CNTNAP4: variants seen among roughly 807,000 people sequenced by gnomAD.
CNTNAP4 encodes contactin-associated protein-like 4.
Under a neutral mutation model 148.4 loss-of-function variants are expected in CNTNAP4, and 98 were observed. The ratio of observed to expected loss-of-function variants is 0.66; its 90% CI spans 0.56 to 0.78. The LOEUF (loss-of-function observed/expected upper bound fraction) is 0.78, where lower values mean the gene tolerates loss of function less well. Among genes scored for constraint, CNTNAP4 ranks in the 30% least tolerant of loss-of-function variants. The probability of loss-of-function intolerance (pLI) is 0.00; values close to 1 mark genes in which losing one functional copy is unlikely to be tolerated. For missense variants in CNTNAP4, 1,935 were observed against 1,565.6 expected, an observed-to-expected ratio of 1.24 and a Z score of -3.98; for synonymous variants, 730 against 565.1, an observed-to-expected ratio of 1.29 and a Z score of -4.14.
chr16:76,329,549 T>C (rs961767698), intron 2 of CNTNAP4, among the ~76,000 whole-genome samples: 2 of 152,240 alleles, frequency 1.3e-5, no homozygotes, highest in African/African-American at 2.4e-5. Context: ...GTGTGATTTT[T>C]ATAAAGTCTT....
intron 15 of CNTNAP4, among the ~76,000 whole-genome samples, chr16:76,503,528 A>T (rs1317122553): frequency 6.6e-6 from 1 of 152,166 alleles, no homozygotes; most frequent in Non-Finnish European, 1.5e-5. Context: ...AAAGTGAATT[A>T]TATATTTTTT....
chr16:76,414,055 T>C (rs1035771992), intron 3 of CNTNAP4, among the ~76,000 whole-genome samples: 1 of 151,380 alleles, frequency 6.6e-6, no homozygotes, highest in Non-Finnish European at 1.5e-5. Flanking sequence ...AATATTTTTC[T>C]TGCCTTATTA....
At chr16:76,428,071 C>A (rs2079475174) in intron 4 of CNTNAP4, among the ~76,000 whole-genome samples, 1 of 152,020 alleles carries the variant, frequency 6.6e-6, no homozygotes, top group African/African-American at 2.4e-5. Context: ...GCTATGCTGT[C>A]AGTATAAATT....
intron 1 of CNTNAP4, among the ~76,000 whole-genome samples, chr16:76,315,501 T>C (rs1162281755): frequency 6.6e-6 from 1 of 152,254 alleles, no homozygotes; most frequent in Non-Finnish European, 1.5e-5. Context: ...TACATTTTGC[T>C]AGTCTAATGT....
chr16:76,499,408 T>G (rs2082535955), intron 15 of CNTNAP4, among the ~76,000 whole-genome samples: 1 of 151,988 alleles, frequency 6.6e-6, no homozygotes, highest in Non-Finnish European at 1.5e-5. Flanking sequence ...CACTGACCAG[T>G]TAAGAATGGA....
intron 5 of CNTNAP4, among the ~76,000 whole-genome samples, 184 bp downstream of exon 5, chr16:76,448,399 C>CTTCT (rs1555560011): frequency 6.6e-6 from 1 of 152,090 alleles, no homozygotes. Context: ...TGCACAAAAT[C>CTTCT]TTCAGTGTTT....
At chr16:76,521,476 TTTGATAC>T in intron 16 of CNTNAP4, among the ~76,000 whole-genome samples, 166 bp downstream of exon 16, 1 of 152,216 alleles carries the variant, frequency 6.6e-6, no homozygotes, top group African/African-American at 2.4e-5. Flanking sequence ...AAGAAAATAA[TTTGATAC>T]TTAACATGTG....
intron 3 of CNTNAP4, among the ~76,000 whole-genome samples, chr16:76,394,573 TCTC>T (rs2078133873): frequency 6.6e-6 from 1 of 152,136 alleles, no homozygotes; most frequent in Non-Finnish European, 1.5e-5. Context: ...TTTTCCCCCT[TCTC>T]CTTTCCCCCA....
intron 4 of CNTNAP4, among the ~76,000 whole-genome samples, chr16:76,444,022 G>C (rs2080144324): frequency 6.6e-6 from 1 of 152,074 alleles, no homozygotes; most frequent in Non-Finnish European, 1.5e-5. Context: ...GAATATACAT[G>C]TATCAAAGAA....
chr16:76,547,587 CTT>C (rs1486001576), intron 21 of CNTNAP4, among the ~76,000 whole-genome samples: 4 of 152,160 alleles, frequency 2.6e-5, no homozygotes. Context: ...GCTACATTTG[CTT>C]TTTATCTCCA....
At chr16:76,359,859 TAAG>T (rs753692005) in intron 3 of CNTNAP4, among the ~76,000 whole-genome samples, 35 of 152,332 alleles carry the variant, frequency 2.3e-4, no homozygotes, top group Admixed American at 7.8e-4. Flanking sequence ...TTCACTCACT[TAAG>T]AACAATTGCT....
At chr16:76,540,011 A>T (rs1195279783) in intron 20 of CNTNAP4, among the ~76,000 whole-genome samples, 159 bp downstream of exon 20, 1 of 152,148 alleles carries the variant, frequency 6.6e-6, no homozygotes, top group African/African-American at 2.4e-5. Flanking sequence ...TCTTTTAAGC[A>T]ATAAGATTTT....
chr16:76,409,530 T>C (rs114531473), intron 3 of CNTNAP4, among the ~76,000 whole-genome samples: 5 of 152,150 alleles, frequency 3.3e-5, no homozygotes, highest in African/African-American at 1.2e-4. Context: ...CATGGTACTA[T>C]AATTACACTG....
intron 12 of CNTNAP4, 96 bp downstream of exon 12, chr16:76,479,634 C>T: frequency 7.9e-7 from 1 of 1,268,620 alleles, no homozygotes; most frequent in Non-Finnish European, 1.1e-6. Context: ...ACGTAATTTG[C>T]AACTTGATTA....
intron 3 of CNTNAP4, among the ~76,000 whole-genome samples, chr16:76,401,015 ATTTGGGCTCTTT>A (rs2078395464): frequency 6.6e-6 from 1 of 152,120 alleles, no homozygotes; most frequent in South Asian, 2.1e-4. Flanking sequence ...TGCCTCGGCT[ATTTGGGCTCTTT>A]TTTGGTTCCT....
In CNTNAP4 at chr16:76,277,651, A is replaced by C; in HGVS notation, c.-12A>C. The C allele has an allele frequency of 6.3e-7, 1 of 1,588,938 alleles. No individual in the cohort carries two copies. The highest frequency in any genetic ancestry group is 1.1e-5 in the South Asian group (1 of 87,366). ...TCTCAAGATCTTTTGGGGGAGCCCA[A>C]TAAATGTGAACATGGGATCTGTCAC... On this transcript the variant is annotated 5_prime_UTR_variant, in exon 1 of 24. Transcript: ENST00000611870.
chr16:76,386,861 A>G (rs2016557965), intron 3 of CNTNAP4, among the ~76,000 whole-genome samples: 2 of 152,204 alleles, frequency 1.3e-5, no homozygotes, highest in Non-Finnish European at 2.9e-5. Context: ...CTTAAAAGTC[A>G]AAGGAGGCCT....
chr16:76,396,932 A>G (rs1176273264), intron 3 of CNTNAP4, among the ~76,000 whole-genome samples: 1 of 152,182 alleles, frequency 6.6e-6, no homozygotes, highest in African/African-American at 2.4e-5. Context: ...CACAAGAAAC[A>G]ACAAGAAGCT....
chr16:76,519,153 ATTTC>A (rs1291711790), intron 15 of CNTNAP4, among the ~76,000 whole-genome samples: 2 of 152,172 alleles, frequency 1.3e-5, no homozygotes, highest in Non-Finnish European at 2.9e-5. Flanking sequence ...ATTAGCAGCA[ATTTC>A]TTAACCCAAT....
Sources: allele counts gnomAD v4.1 joint callset (sites outside exome capture counted in the v4.1 genomes callset), GRCh38; gene constraint gnomAD v4.1.1; transcripts MANE v1.5; gene names NCBI Gene and HGNC (gene_info 2026-07-23, HGNC 2026-07-21).